The following TEF variants were observed in gnomAD, a reference collection of about 807,000 sequenced individuals.
TEF encodes thyrotroph embryonic factor.
A neutral mutation model predicts 20.8 loss-of-function variants in TEF; 3 were observed. The ratio of observed to expected loss-of-function variants is 0.14; its 90% confidence interval spans 0.07 to 0.37. TEF has a LOEUF of 0.37. Among genes scored for constraint, TEF ranks in the 10% least tolerant of loss-of-function variants. The probability of loss-of-function intolerance (pLI) is 1.00; values close to 1 mark genes in which losing one functional copy is unlikely to be tolerated. For missense variants in TEF, 296 were observed against 397.9 expected, an observed-to-expected ratio of 0.74 and a Z score of 2.18; for synonymous variants, 180 against 171.1, an observed-to-expected ratio of 1.05 and a Z score of -0.41.
intron 1 of TEF, among the ~76,000 whole-genome samples, chr22:41,372,603 G>A (rs960381050): frequency 3.9e-5 from 6 of 152,152 alleles, no homozygotes; most frequent in East Asian, 1.9e-4. Flanking sequence ...GTACCCATGT[G>A]GGTACCATGT....
upstream of TEF, among the ~76,000 whole-genome samples, chr22:41,379,567 G>T (rs1490831763): frequency 6.6e-6 from 1 of 151,608 alleles, no homozygotes; most frequent in African/African-American, 2.4e-5. Context: ...ACTCCATTTG[G>T]CATAAAAGGA....
intron 1 of TEF, among the ~76,000 whole-genome samples, chr22:41,376,793 G>C (rs2145968197): frequency 6.6e-6 from 1 of 152,326 alleles, no homozygotes; most frequent in Middle Eastern, 3.4e-3. Context: ...ACTTGGCATT[G>C]CACATCACAG....
Position 41,384,006 on chromosome 22 carries a change from AG to A in TEF, c.157+1807del, listed in dbSNP as rs1463196562. Among the ~76,000 whole-genome samples the A allele has an allele frequency of 2.0e-5, 3 of 152,226 alleles. No homozygotes were observed. The East Asian group carries it at 5.8e-4, about 29-fold the overall frequency. ...AAAGCCTGGTATAGAAAGCAGTTGC[AG>A]GAATTCAGATTAATTTGTATTAGAA... On this transcript the variant is annotated intron_variant, in intron 1 of 3. Coordinates refer to ENST00000266304, the MANE Select transcript of TEF (RefSeq NM_003216.4).
rs1316421018 is a variant in TEF, at chr22:41,395,689, A to C, written c.697-56A>C. The C allele has an allele frequency of 5.7e-6, 9 of 1,576,314 alleles. No individual in the cohort carries two copies. The African/African-American group carries it at 1.2e-4, about 21-fold the overall frequency. The stretch of plus-strand genomic sequence containing the variant: ...GGAATCCAGGTGGTGGGAGTGGAAA[A>C]ATTGGGTTCTCTCGTGGGGAAAGAC... On this transcript the variant is annotated intron_variant, in intron 3 of 3. Coordinates refer to ENST00000266304, the MANE Select transcript of TEF (RefSeq NM_003216.4).
At chr22:41,372,563 A>G (rs1018369429) in intron 1 of TEF, among the ~76,000 whole-genome samples, 1 of 152,094 alleles carries the variant, frequency 6.6e-6, no homozygotes, top group South Asian at 2.1e-4. Context: ...GTTCCTCCTG[A>G]CACCAGGCTC....
At chr22:41,391,867 C>T (rs769002054) in intron 2 of TEF, among the ~76,000 whole-genome samples, 7 of 152,194 alleles carry the variant, frequency 4.6e-5, no homozygotes, top group Non-Finnish European at 8.8e-5. Context: ...GTGATCCACA[C>T]GCCTCGGCCT....
chr22:41,379,630 C>T (rs2036989086), upstream of TEF, among the ~76,000 whole-genome samples: 4 of 151,348 alleles, frequency 2.6e-5, no homozygotes, highest in African/African-American at 9.7e-5. Context: ...TTTGGGATGC[C>T]GAGGCGGGTG....
intron 1 of TEF, chr22:41,369,313 A>G: frequency 1.1e-6 from 1 of 938,242 alleles, no homozygotes; most frequent in Non-Finnish European, 1.3e-6. Flanking sequence ...GGACCGCCCA[A>G]GGTTTCAGGC....
chr22:41,373,155 A>G (rs2036903096), intron 1 of TEF, among the ~76,000 whole-genome samples: 1 of 152,198 alleles, frequency 6.6e-6, no homozygotes, highest in Non-Finnish European at 1.5e-5. Context: ...CAGGAATTAC[A>G]GTAGAGTTAA....
intron 1 of TEF, chr22:41,369,360 A>T: frequency 3.0e-6 from 2 of 671,226 alleles, no homozygotes; most frequent in Non-Finnish European, 3.7e-6. Context: ...GTGGCCGAGA[A>T]TTAGTTAGTC....
chr22:41,381,357 G>GCCCCGC (rs553941902), upstream of TEF, among the ~76,000 whole-genome samples: 2,841 of 151,562 alleles, frequency 0.019, 229 homozygotes, highest in Admixed American at 0.14. Flanking sequence ...ACCGCCCCGG[G>GCCCCGC]CCCCGCCCCC....
At chr22:41,393,041 AAAAG>A (rs1347212737) in intron 2 of TEF, among the ~76,000 whole-genome samples, 2 of 151,628 alleles carry the variant, frequency 1.3e-5, no homozygotes, top group African/African-American at 2.4e-5. Flanking sequence ...TCTCAAAAGA[AAAAG>A]AAAAGTGGAG....
At chr22:41,371,337 T>C (rs888100084) in intron 1 of TEF, among the ~76,000 whole-genome samples, 2 of 152,210 alleles carry the variant, frequency 1.3e-5, no homozygotes, top group African/African-American at 4.8e-5. Flanking sequence ...ACAAGGCCTT[T>C]GCTTTGGGCT....
intron 1 of TEF, among the ~76,000 whole-genome samples, chr22:41,383,976 A>G (rs184361160): frequency 8.1e-4 from 123 of 152,352 alleles, no homozygotes; most frequent in Non-Finnish European, 3.8e-4. Context: ...AGTTGGTTTT[A>G]AACCAAAGCC....
upstream of TEF, among the ~76,000 whole-genome samples, chr22:41,378,165 CTTT>C (rs1227353344): frequency 2.2e-5 from 2 of 89,462 alleles, no homozygotes; most frequent in Non-Finnish European, 4.5e-5. Flanking sequence ...CCTTAGCTTC[CTTT>C]TTTTTTTTTT....
chr22:41,395,469 A>C, intron 3 of TEF, among the ~76,000 whole-genome samples: 1 of 152,140 alleles, frequency 6.6e-6, no homozygotes, highest in Non-Finnish European at 1.5e-5. Context: ...TGGACAGTGC[A>C]ATGCTTTGTG....
At chr22:41,388,721 G>C (rs2037129838) in intron 2 of TEF, among the ~76,000 whole-genome samples, 2 of 152,108 alleles carry the variant, frequency 1.3e-5, no homozygotes, top group African/African-American at 4.8e-5. Context: ...TACCAAAGGA[G>C]ACATGGCTCC....
chr22:41,372,687 G>A (rs1235346332), intron 1 of TEF, among the ~76,000 whole-genome samples: 10 of 152,208 alleles, frequency 6.6e-5, no homozygotes, highest in African/African-American at 1.2e-4. Context: ...TGGAGAGCCC[G>A]GGGTGAATGA....
rs1023845401 is a variant in TEF, at chr22:41,397,143, G to A, written c.*1183G>A. 1 of 398,688 alleles carries A rather than the reference G, an allele frequency of 2.5e-6. No individual in the cohort carries two copies. The highest frequency in any genetic ancestry group is 4.4e-6 in the Non-Finnish European group (1 of 226,140). The allele number at this position is 398,688 out of a possible 1,614,324, so 24.7% of individuals were successfully genotyped here. A position where few individuals can be genotyped will look rare whatever the true frequency, so the allele number is the denominator to read the frequency against. On this transcript the variant is annotated 3_prime_UTR_variant, in exon 4 of 4. Transcript: ENST00000266304. ...AGTCTAGAGTCACCAAGGTCACAGTGCCACTTTCACGGGATAGCAGGCTCT... is the reference window on the plus strand; with the variant it reads ...AGTCTAGAGTCACCAAGGTCACAGTACCACTTTCACGGGATAGCAGGCTCT...
Sources: allele counts gnomAD v4.1 joint callset (sites outside exome capture counted in the v4.1 genomes callset), GRCh38; gene constraint gnomAD v4.1.1; transcripts MANE v1.5; gene names NCBI Gene and HGNC (gene_info 2026-07-23, HGNC 2026-07-21).